Variants in CTNS observed in about 807,000 individuals in gnomAD.
The protein encoded by CTNS is cystinosin.
Under a neutral mutation model 43.7 loss-of-function variants are expected in CTNS, and 27 were observed. That is an observed-to-expected ratio of 0.62 (90% CI 0.46 to 0.85). CTNS has a LOEUF of 0.85. Among genes scored for constraint, CTNS ranks in the 40% least tolerant of loss-of-function variants. The pLI is 0.00. For synonymous variants in CTNS, 187 were observed against 190.6 expected, an observed-to-expected ratio of 0.98 and a Z score of 0.16; for missense variants, 457 against 475.4, an observed-to-expected ratio of 0.96 and a Z score of 0.36.
At chr17:3,654,587 A>G (rs896193289) in intron 5 of CTNS, among the ~76,000 whole-genome samples, 8 of 151,636 alleles carry the variant, frequency 5.3e-5, no homozygotes, top group Non-Finnish European at 4.4e-5. Flanking sequence ...AGCCTAAGGC[A>G]GGAGAACCGC....
intron 3 of CTNS, among the ~76,000 whole-genome samples, chr17:3,645,522 G>A (rs765524601): frequency 5.9e-5 from 9 of 152,110 alleles, no homozygotes; most frequent in Non-Finnish European, 1.3e-4. Flanking sequence ...CTACCAGGTA[G>A]GAGTATTGAG....
At chr17:3,650,054 G>A in intron 5 of CTNS, 9 of 1,408,050 alleles carry the variant, frequency 6.4e-6, no homozygotes, top group Non-Finnish European at 8.6e-6. Context: ...ATAAGTATCT[G>A]AGATGATGGA....
At chr17:3,659,404 G>T (rs1404971858) in intron 10 of CTNS, among the ~76,000 whole-genome samples, 1 of 152,230 alleles carries the variant, frequency 6.6e-6, no homozygotes, top group African/African-American at 2.4e-5. Context: ...GCCCAAGACA[G>T]CAGGCTCCGG....
At chr17:3,638,071 G>C (rs376563772) in intron 2 of CTNS, among the ~76,000 whole-genome samples, 1 of 152,158 alleles carries the variant, frequency 6.6e-6, no homozygotes, top group African/African-American at 2.4e-5. Flanking sequence ...AATGGGTGAG[G>C]AGCCTTCTTG....
chr17:3,660,013 G>T, intron 11 of CTNS, 38 bp downstream of exon 11: 1 of 1,564,108 alleles, frequency 6.4e-7, no homozygotes, highest in South Asian at 1.1e-5. Context: ...CCCTGCGGCT[G>T]GGGCATCGGG....
rs749616554 is a variant in CTNS, at chr17:3,655,358, C to A, written c.461+6C>A. The A allele has an allele frequency of 1.2e-6, 2 of 1,613,950 alleles. No homozygotes were observed. Among genetic ancestry groups the A allele is most frequent in the South Asian group, 2.2e-5 (2 of 91,072 alleles). The stretch of plus-strand genomic sequence containing the variant: ...ATGAATTGGAGGCGGAAAAGGTAAC[C>A]CCCTGGGCCGTATGTGCAGGCTCTC... On this transcript the variant is annotated splice_donor_region_variant and intron_variant, in intron 7 of 11. Coordinates refer to ENST00000046640, the MANE Select transcript of CTNS (RefSeq NM_004937.3).
rs765428193 is a variant in CTNS at position 3,647,499 on chromosome 17, G to A, written c.117G>A (p.Ser39=). 44 of 1,613,974 alleles carry A rather than the reference G, an allele frequency of 2.7e-5. No homozygotes were observed. The highest frequency in any genetic ancestry group is 6.7e-5 in the African/African-American group (5 of 74,930). The change falls in exon 4 of 12, where the codon TCG becomes TCA. Residue 39 remains serine (S), a synonymous_variant. Transcript: ENST00000046640. ...TCGTAAAGCTGGAGAACGGCAGCTCGACCAACGTCAGCCTCACCCTGCGGT... is the reference window on the plus strand; with the variant it reads ...TCGTAAAGCTGGAGAACGGCAGCTCAACCAACGTCAGCCTCACCCTGCGGT... ...PPVVKLENGS[S]TNVSLTLRPP... is the part of the protein sequence containing the mutation.
chr17:3,659,050 C>A (rs757046442), intron 10 of CTNS, among the ~76,000 whole-genome samples: 21 of 151,948 alleles, frequency 1.4e-4, no homozygotes, highest in Non-Finnish European at 2.5e-4. Context: ...GCCAAGAAAC[C>A]GGGGATGGAG....
chr17:3,637,092 T>C lies in CTNS; in HGVS notation c.-229-15T>C, dbSNP rs1283132905. On this transcript the variant is annotated splice_polypyrimidine_tract_variant and intron_variant, in intron 1 of 11. Coordinates refer to ENST00000046640, the MANE Select transcript of CTNS (RefSeq NM_004937.3). ...TGCTCAGTTGCCGCCTGGGTCTCGG[T>C]TGGGGAATTTGCAGATTGCTTTGGA... 1 of 152,182 alleles carries C rather than the reference T, an allele frequency of 6.6e-6. No individual in the cohort carries two copies. The highest frequency in any genetic ancestry group is 2.1e-4 in the South Asian group (1 of 4,818). 9.4% of individuals were successfully genotyped at this position (152,182 alleles called of 1,614,324 possible).
In CTNS at chr17:3,660,598, G is replaced by A. The variant is rs757236875; in HGVS notation, c.*229G>A. The A allele has an allele frequency of 2.0e-5, 33 of 1,613,218 alleles. No individual in the cohort carries two copies. Among genetic ancestry groups the A allele is most frequent in the African/African-American group, 9.3e-5 (7 of 74,958 alleles). ...CACGTGGCACCGTCGCCTTGACACC[G>A]CCATCTCTTTTCTTTAAGGCTTCAG... is the stretch of plus-strand genomic sequence containing the variant. On this transcript the variant is annotated 3_prime_UTR_variant, in exon 12 of 12. Transcript: ENST00000046640.
In CTNS at chr17:3,660,366, C is replaced by T; in HGVS notation, c.1101C>T (p.Asn367=). 6.2e-7 allele frequency: 1 copy of T among 1,614,214 alleles called. No individual in the cohort carries two copies. The highest frequency in any genetic ancestry group is 8.5e-7 in the Non-Finnish European group (1 of 1,180,048). The change falls in exon 12 of 12, where the codon AAC becomes AAT. Residue 367 remains asparagine, a synonymous_variant. Transcript: ENST00000046640. ...AGAGACCGGGGTATGACCAGCTGAA[C>T]TAGCACCCAGGGACCCAGTGTACCC... The part of the protein sequence containing the change: ...YRKRPGYDQL[N]
intron 4 of CTNS, among the ~76,000 whole-genome samples, chr17:3,648,277 A>G (rs1287068213): frequency 1.3e-5 from 2 of 152,120 alleles, no homozygotes; most frequent in Admixed American, 6.5e-5. Context: ...TCCCCCTGCA[A>G]ATCTTACAAG....
At chr17:3,641,384 A>ATTTTTTT (rs869072123) in intron 3 of CTNS, among the ~76,000 whole-genome samples, 9 of 31,202 alleles carry the variant, frequency 2.9e-4, no homozygotes, top group East Asian at 1.3e-3. Context: ...ATATATATAT[A>ATTTTTTT]TTTTTTTTTT....
In CTNS at chr17:3,656,812, C is replaced by A; in HGVS notation, c.681+17C>A. On this transcript the variant is annotated intron_variant, in intron 9 of 11. Transcript: ENST00000046640. ...CTGTATGAGGTGAGACCAGCCCTGG[C>A]CCCCCACAGGCCACCCCAGCCAACA... 1 of 1,612,622 alleles carries A rather than the reference C, an allele frequency of 6.2e-7. No individual in the cohort carries two copies. Among genetic ancestry groups the A allele is most frequent in the Non-Finnish European group, 8.5e-7 (1 of 1,179,892 alleles).
rs188118937 is a variant in CTNS at position 3,653,177 on chromosome 17, C to T, written c.226-1821C>T. ...CTGTAATCCCACCACTTTGGGAGGC[C>T]GAAGCGGGTGGATCACCTGAGGTCA... On this transcript the variant is annotated intron_variant, in intron 5 of 11. Transcript: ENST00000046640. Among the ~76,000 whole-genome samples, 1,293 of 152,264 alleles carry T rather than the reference C, an allele frequency of 8.5e-3. 14 individuals carry two copies. The highest frequency in any genetic ancestry group is 0.014 in the Middle Eastern group (4 of 294).
chr17:3,640,059 C>T (rs1380399628), intron 2 of CTNS, 129 bp from the exon 3 acceptor site: 1 of 772,238 alleles, frequency 1.3e-6, no homozygotes, highest in East Asian at 2.6e-5. Flanking sequence ...TGATGCAAAG[C>T]CCTGAGGTCA....
At chr17:3,641,019 G>A (rs7213803) in intron 3 of CTNS, among the ~76,000 whole-genome samples, 15,257 of 152,090 alleles carry the variant, frequency 0.1, 2,559 homozygotes, top group African/African-American at 0.35. Context: ...TGTTGTACCC[G>A]GTTCTGCCAG....
chr17:3,655,618 G>T (rs921626874), intron 7 of CTNS: 4 of 454,246 alleles, frequency 8.8e-6, no homozygotes, highest in Non-Finnish European at 1.6e-5. Flanking sequence ...AGAATGGGCG[G>T]GGGAGGGAGG....
intron 3 of CTNS, among the ~76,000 whole-genome samples, chr17:3,641,600 C>T (rs1023431005): frequency 3.7e-4 from 56 of 151,364 alleles, no homozygotes; most frequent in Non-Finnish European, 2.8e-4. Flanking sequence ...ACCATGTTGG[C>T]CAGGCTGGTT....
Sources: gnomAD v4.1 joint callset for allele counts (sites outside exome capture counted in the v4.1 genomes callset) on GRCh38, gnomAD v4.1.1 for gene constraint, MANE v1.5 for transcripts, NCBI Gene and HGNC (gene_info 2026-07-23, HGNC 2026-07-21) for gene names.